Variants in GPT2 observed in about 807,000 individuals in gnomAD.
GPT2 encodes alanine aminotransferase 2.
A neutral mutation model predicts 56.9 loss-of-function variants in GPT2; 30 were observed. The ratio of observed to expected loss-of-function variants is 0.53; its 90% CI spans 0.39 to 0.72. GPT2 has a LOEUF of 0.72. GPT2 is among the 30% of genes least tolerant of loss of function. The probability of loss-of-function intolerance (pLI) is 0.00; values close to 1 mark genes in which losing one functional copy is unlikely to be tolerated. For synonymous variants in GPT2, 271 were observed against 283.1 expected, an observed-to-expected ratio of 0.96 and a Z score of 0.43; for missense variants, 542 against 703.4, an observed-to-expected ratio of 0.77 and a Z score of 2.60.
intron 2 of GPT2, among the ~76,000 whole-genome samples, chr16:46,891,528 C>T (rs143956941): frequency 5.1e-4 from 78 of 152,132 alleles, no homozygotes; most frequent in African/African-American, 1.7e-3. Context: ...CTCAGCCTCC[C>T]GAGTAGCTGG....
At chr16:46,897,952 C>T (rs553004705) in intron 3 of GPT2, among the ~76,000 whole-genome samples, 1 of 152,310 alleles carries the variant, frequency 6.6e-6, no homozygotes. Flanking sequence ...CCCAGGGAGA[C>T]TCTTCCACAA....
At chr16:46,925,303 G>A (rs1382825001) in intron 10 of GPT2, among the ~76,000 whole-genome samples, 2 of 151,890 alleles carry the variant, frequency 1.3e-5, no homozygotes, top group South Asian at 2.1e-4. Context: ...CTCACTGCAA[G>A]CTCGGCCTCC....
rs1389115550 is a variant in GPT2 at position 46,930,966 on chromosome 16, A to G, written c.*1969A>G. 6.6e-6 allele frequency: 1 copy of G among 152,626 alleles called. No individual in the cohort carries two copies. Among genetic ancestry groups the G allele is most frequent in the African/African-American group, 2.4e-5 (1 of 41,438 alleles). 9.5% of individuals were successfully genotyped at this position (152,626 alleles called of 1,614,324 possible). A position where few individuals can be genotyped will look rare whatever the true frequency, so the allele number is the denominator to read the frequency against. On this transcript the variant is annotated 3_prime_UTR_variant, in exon 12 of 12. Transcript: ENST00000340124. ...CAGATTCTGTTCCGGTGCCTTTCCT[A>G]TCCAGGCACCACCTGAGAAAGTTGT...
intron 9 of GPT2, chr16:46,923,725 T>G (rs1961343174): frequency 1.3e-5 from 2 of 155,590 alleles, no homozygotes; most frequent in Non-Finnish European, 2.9e-5. Context: ...GCCCAGTCAC[T>G]GACCTTGACT....
intron 8 of GPT2, 138 bp from the exon 9 acceptor site, chr16:46,922,104 C>T: frequency 1.4e-6 from 1 of 715,520 alleles, no homozygotes; most frequent in Non-Finnish European, 2.4e-6. Context: ...TGTTGTTCAC[C>T]TTCCATTGGC....
intron 4 of GPT2, among the ~76,000 whole-genome samples, chr16:46,903,915 G>A (rs887782059): frequency 6.6e-6 from 1 of 152,176 alleles, no homozygotes; most frequent in Non-Finnish European, 1.5e-5. Flanking sequence ...TATAACGAGG[G>A]GCTCTAATGG....
chr16:46,902,133 C>T (rs1044350803), intron 4 of GPT2, among the ~76,000 whole-genome samples: 1 of 152,208 alleles, frequency 6.6e-6, no homozygotes, highest in Non-Finnish European at 1.5e-5. Flanking sequence ...TGCTAAGCCT[C>T]ATCAACAGGT....
intron 11 of GPT2, among the ~76,000 whole-genome samples, chr16:46,927,321 C>T (rs542975357): frequency 1.3e-5 from 2 of 152,310 alleles, no homozygotes; most frequent in Non-Finnish European, 2.9e-5. Flanking sequence ...TGAAATGTTC[C>T]TAGTAGGGTG....
At chr16:46,923,111 A>C (rs909059166) in intron 9 of GPT2, among the ~76,000 whole-genome samples, 1 of 152,040 alleles carries the variant, frequency 6.6e-6, no homozygotes, top group African/African-American at 2.4e-5. Flanking sequence ...TAGCCCCAGC[A>C]GCCACCCTTC....
chr16:46,897,965 C>T lies in GPT2; in HGVS notation c.333+228C>T, dbSNP rs576843682. 3.3e-5 allele frequency among the ~76,000 whole-genome samples: 5 copies of T among 152,290 alleles called. 1 individual carries two copies. In the South Asian group the frequency reaches 6.2e-4, roughly 19 times the overall value. On this transcript the variant is annotated intron_variant, in intron 3 of 11. Coordinates refer to ENST00000340124, the MANE Select transcript of GPT2 (RefSeq NM_133443.4). ...CTCCCAGGGAGACTCTTCCACAAGG[C>T]GGGGTCCTGGGAGCTGAGTTAGGAA... is the stretch of plus-strand genomic sequence containing the variant.
rs1357882410 is a variant in GPT2 at position 46,924,164 on chromosome 16, C to T, written c.1213-225C>T. On this transcript the variant is annotated intron_variant, in intron 9 of 11. Transcript: ENST00000340124. ...GTCAGTCTGTCTGATACCCCAGTGT[C>T]GAAGGAACAGACCACCCCACCCACT... 4.0e-5 allele frequency: 24 copies of T among 599,666 alleles called. No homozygotes were observed. In the East Asian group the frequency reaches 7.4e-4, roughly 18 times the overall value. The allele number at this position is 599,666 out of a possible 1,614,324, so 37.1% of individuals were successfully genotyped here.
At chr16:46,904,900 T>C (rs1960889185) in intron 4 of GPT2, among the ~76,000 whole-genome samples, 1 of 152,102 alleles carries the variant, frequency 6.6e-6, no homozygotes, top group Non-Finnish European at 1.5e-5. Context: ...ATACTCAAAA[T>C]AACATGACAG....
chr16:46,916,788 C>T (rs1057435201), intron 7 of GPT2, 81 bp downstream of exon 7: 4 of 941,662 alleles, frequency 4.2e-6, no homozygotes, highest in Non-Finnish European at 7.0e-6. Flanking sequence ...TGTTCTGCAG[C>T]CAGAGAGAAC....
chr16:46,908,387 G>A (rs939094588), intron 5 of GPT2, among the ~76,000 whole-genome samples: 1 of 150,956 alleles, frequency 6.6e-6, no homozygotes, highest in Non-Finnish European at 1.5e-5. Context: ...CAGTCCTGGG[G>A]TGGGGGGACT....
chr16:46,886,141 C>G (rs1448438284), intron 2 of GPT2, among the ~76,000 whole-genome samples: 1 of 152,158 alleles, frequency 6.6e-6, no homozygotes, highest in Non-Finnish European at 1.5e-5. Flanking sequence ...GGACTCCTTG[C>G]AGGGCTAAGT....
chr16:46,885,708 C>G (rs1302391007), intron 2 of GPT2: 1 of 199,166 alleles, frequency 5.0e-6, no homozygotes, highest in Middle Eastern at 2.6e-3. Flanking sequence ...GAGCCCACAG[C>G]CAGGAAGGAT....
At chr16:46,909,181 T>C (rs1960994367) in intron 5 of GPT2, among the ~76,000 whole-genome samples, 1 of 152,042 alleles carries the variant, frequency 6.6e-6, no homozygotes, top group South Asian at 2.1e-4. Context: ...ACCCCTGACA[T>C]AGGGAATCAG....
chr16:46,889,272 T>TTTA (rs1467151003), intron 2 of GPT2, among the ~76,000 whole-genome samples: 2 of 147,030 alleles, frequency 1.4e-5, no homozygotes, highest in African/African-American at 2.6e-5. Context: ...TTTTTTTTTT[T>TTTA]AAAGAGACAG....
At chr16:46,924,611 C>A (rs1470159318) in intron 10 of GPT2, 67 bp downstream of exon 10, 2 of 1,564,682 alleles carry the variant, frequency 1.3e-6, no homozygotes, top group Non-Finnish European at 1.7e-6. Flanking sequence ...TTGGGGGCCC[C>A]TGCTTATCTT....
Sources: gnomAD v4.1 joint callset for allele counts (sites outside exome capture counted in the v4.1 genomes callset) on GRCh38, gnomAD v4.1.1 for gene constraint, MANE v1.5 for transcripts, NCBI Gene and HGNC (gene_info 2026-07-23, HGNC 2026-07-21) for gene names.